CASS4: variants seen among roughly 807,000 people sequenced by gnomAD.
The protein encoded by CASS4 is Cas scaffold protein family member 4, also known as cas scaffolding protein family member 4.
In CASS4, 22 loss-of-function variants were observed where a neutral mutation model predicts 54.2. The ratio of observed to expected loss-of-function variants is 0.41; its 90% confidence interval spans 0.29 to 0.58. The LOEUF (loss-of-function observed/expected upper bound fraction) is 0.58. Ranked by LOEUF, CASS4 falls within the 20% of genes least tolerant of loss-of-function variation. The pLI is 0.36. For synonymous variants in CASS4, 409 were observed against 391.5 expected (o/e 1.04, Z -0.53); for missense variants, 854 against 986.7 (o/e 0.87, Z 1.80).
chr20:56,444,919 C>T (rs537905542), intron 2 of CASS4, among the ~76,000 whole-genome samples: 44 of 152,182 alleles, frequency 2.9e-4, no homozygotes, highest in African/African-American at 8.4e-4. Flanking sequence ...AAGACCAGCC[C>T]GACCAATATG....
At chr20:56,451,745 T>C (rs1314875581) in intron 4 of CASS4, 74 bp from the exon 5 acceptor site, 2 of 1,083,898 alleles carry the variant, frequency 1.8e-6, no homozygotes, top group South Asian at 1.5e-5. Context: ...GGAGTGACGA[T>C]GAGATTTAAA....
Sources: allele counts gnomAD v4.1 joint callset (sites outside exome capture counted in the v4.1 genomes callset), GRCh38; gene constraint gnomAD v4.1.1; transcripts MANE v1.5; gene names NCBI Gene and HGNC (gene_info 2026-07-23, HGNC 2026-07-21).